Variants in DAB1 observed in about 807,000 individuals in gnomAD.
DAB1 encodes DAB adaptor protein 1.
A neutral mutation model predicts 64.6 loss-of-function variants in DAB1; 15 were observed. The observed-to-expected ratio is 0.23, with a 90% CI of 0.16 to 0.36. DAB1 has a LOEUF of 0.36. DAB1 is among the 10% of genes least tolerant of loss of function. The probability of loss-of-function intolerance (pLI) is 1.00; values close to 1 mark genes in which losing one functional copy is unlikely to be tolerated. For missense variants in DAB1, 596 were observed against 706.7 expected (o/e 0.84, Z 1.78); for synonymous variants, 235 against 251.9 (o/e 0.93, Z 0.64).
At chr1:57,804,611 CT>C (rs1000627235) in intron 6 of DAB1, among the ~76,000 whole-genome samples, 1 of 152,204 alleles carries the variant, frequency 6.6e-6, no homozygotes, top group Non-Finnish European at 1.5e-5. Flanking sequence ...TCTGGCTCCA[CT>C]ATTATAACTA....
chr1:57,769,257 A>G (rs1649454154), intron 6 of DAB1, among the ~76,000 whole-genome samples: 2 of 152,190 alleles, frequency 1.3e-5, no homozygotes, highest in South Asian at 4.1e-4. Flanking sequence ...AGTCAAAAAG[A>G]ACCCTCAAAT....
chr1:58,133,919 T>C (rs1178650818), intron 5 of DAB1, among the ~76,000 whole-genome samples: 8 of 152,260 alleles, frequency 5.3e-5, no homozygotes, highest in Non-Finnish European at 8.8e-5. Context: ...TGCTCTTCTT[T>C]TCAGGCTTAC....
intron 6 of DAB1, among the ~76,000 whole-genome samples, chr1:57,701,760 C>T (rs1646911218): frequency 6.6e-6 from 1 of 151,910 alleles, no homozygotes; most frequent in African/African-American, 2.4e-5. Context: ...CTGATTCTTT[C>T]CTCTGCTTGA....
At chr1:58,169,237 T>C (rs1018872991) in intron 4 of DAB1, among the ~76,000 whole-genome samples, 1 of 152,074 alleles carries the variant, frequency 6.6e-6, no homozygotes, top group Non-Finnish European at 1.5e-5. Context: ...GCACAACTAT[T>C]CTGATCAGCA....
intron 5 of DAB1, among the ~76,000 whole-genome samples, chr1:58,109,375 C>T (rs1166033462): frequency 1.3e-5 from 2 of 152,180 alleles, no homozygotes; most frequent in African/African-American, 2.4e-5. Flanking sequence ...CCAGCACCAA[C>T]AGACTTAAAC....
chr1:57,984,999 C>G lies in DAB1; in HGVS notation n.388-100837G>C, dbSNP rs576957325. Among the ~76,000 whole-genome samples the G allele has an allele frequency of 2.2e-3, 340 of 152,224 alleles. 2 individuals carry two copies. The highest frequency in any genetic ancestry group is 7.9e-3 in the African/African-American group (327 of 41,536). On this transcript the variant is annotated intron_variant and non_coding_transcript_variant, in intron 5 of 20. Coordinates refer to the DAB1 transcript ENST00000485760. Reference sequence around the variant, plus strand: ...TCCTGGCTCACTGCAACCTCCGCCTCCCAGGTTCAGGTGATTCTCCTGCCT... The same window carrying G: ...TCCTGGCTCACTGCAACCTCCGCCTGCCAGGTTCAGGTGATTCTCCTGCCT...
intron 7 of DAB1, among the ~76,000 whole-genome samples, chr1:57,474,493 AG>A (rs976927675): frequency 1.3e-5 from 2 of 152,244 alleles, no homozygotes; most frequent in East Asian, 1.9e-4. Context: ...TGGATCCATT[AG>A]GAAGTATGAT....
intron 14 of DAB1, among the ~76,000 whole-genome samples, chr1:57,008,792 A>G (rs1646175568): frequency 6.6e-6 from 1 of 152,180 alleles, no homozygotes; most frequent in Non-Finnish European, 1.5e-5. Context: ...TGGAGAATAT[A>G]AGCCCCTTCT....
chr1:57,892,408 G>T (rs1453927354), intron 5 of DAB1, among the ~76,000 whole-genome samples: 1 of 152,150 alleles, frequency 6.6e-6, no homozygotes, highest in Non-Finnish European at 1.5e-5. Flanking sequence ...TACTTATGAT[G>T]ACCCAGGCAC....
chr1:57,760,235 G>T (rs775290930), intron 6 of DAB1, among the ~76,000 whole-genome samples: 2 of 152,094 alleles, frequency 1.3e-5, no homozygotes, highest in Non-Finnish European at 2.9e-5. Flanking sequence ...ACATTATGCA[G>T]GTATGGCCTT....
Position 58,257,838 on chromosome 1 carries a change from C to T in DAB1, n.309+85514G>A, listed in dbSNP as rs575034492. Reference sequence around the variant, plus strand: ...GGTTATGGTTTATGATGTAAGGCCCCAAAAGGTTACGTGCATCTGGAGCTA... The same window carrying T: ...GGTTATGGTTTATGATGTAAGGCCCTAAAAGGTTACGTGCATCTGGAGCTA... On this transcript the variant is annotated intron_variant and non_coding_transcript_variant, in intron 4 of 20. Coordinates refer to the DAB1 transcript ENST00000485760. Among the ~76,000 whole-genome samples the T allele has an allele frequency of 9.2e-5, 14 of 152,236 alleles. No homozygotes were observed. The South Asian group carries it at 2.1e-3, about 23-fold the overall frequency.
At chr1:57,757,481 T>C (rs1450194711) in intron 6 of DAB1, among the ~76,000 whole-genome samples, 2 of 152,062 alleles carry the variant, frequency 1.3e-5, no homozygotes, top group East Asian at 3.9e-4. Flanking sequence ...GCTTCTGGCG[T>C]TTGCTGCCAA....
In DAB1 at chr1:58,378,739, C is replaced by G. The variant is rs1372885516; in HGVS notation, n.258-35336G>C. On this transcript the variant is annotated intron_variant and non_coding_transcript_variant, in intron 3 of 20. Coordinates refer to the DAB1 transcript ENST00000485760. ...CGAGCTTCCCGGCTGCTTTGTTTAC[C>G]TAAGCAAGCCTGGGCAATGGCGGGC... is the stretch of plus-strand genomic sequence containing the variant. Among the ~76,000 whole-genome samples, 7 of 103,718 alleles carry G rather than the reference C, an allele frequency of 6.7e-5. No homozygotes were observed. In the East Asian group the frequency reaches 1.6e-3, roughly 23 times the overall value. The allele number at this position is 103,718 out of a possible 152,430, so 68.0% of individuals were successfully genotyped here. A position where few individuals can be genotyped will look rare whatever the true frequency, so the allele number is the denominator to read the frequency against.
chr1:58,005,595 C>T (rs189587754), intron 5 of DAB1, among the ~76,000 whole-genome samples: 64 of 130,988 alleles, frequency 4.9e-4, no homozygotes, highest in Non-Finnish European at 8.2e-4. Flanking sequence ...GGGCTCTGTG[C>T]GCCTGCCTTG....
At chr1:58,484,823 T>A (rs1337669370) in intron 3 of DAB1, among the ~76,000 whole-genome samples, 2 of 152,110 alleles carry the variant, frequency 1.3e-5, no homozygotes, top group African/African-American at 2.4e-5. Context: ...AAAGGCTACA[T>A]GATTCCAACT....
intron 5 of DAB1, among the ~76,000 whole-genome samples, chr1:58,092,717 G>C (rs1385650373): frequency 1.3e-5 from 2 of 152,172 alleles, no homozygotes; most frequent in African/African-American, 4.8e-5. Context: ...TCTAAGTAGA[G>C]AGTAGGTGCT....
At chr1:58,020,268 T>C (rs1646797452) in intron 5 of DAB1, among the ~76,000 whole-genome samples, 1 of 152,228 alleles carries the variant, frequency 6.6e-6, no homozygotes, top group South Asian at 2.1e-4. Context: ...TTACTTCATG[T>C]GTTCAAGGAA....
intron 5 of DAB1, among the ~76,000 whole-genome samples, chr1:57,994,104 A>G (rs1646389168): frequency 2.0e-5 from 3 of 152,182 alleles, no homozygotes; most frequent in Non-Finnish European, 4.4e-5. Context: ...CTGAGGCTGC[A>G]AGGCCTCTGA....
intron 6 of DAB1, among the ~76,000 whole-genome samples, chr1:57,784,781 A>G (rs1396889551): frequency 1.3e-5 from 2 of 152,194 alleles, no homozygotes; most frequent in Admixed American, 6.5e-5. Context: ...AAGCATCTCC[A>G]TAACAGAAAA....
Sources: gnomAD v4.1 joint callset for allele counts (sites outside exome capture counted in the v4.1 genomes callset) on GRCh38, gnomAD v4.1.1 for gene constraint, MANE v1.5 for transcripts, NCBI Gene and HGNC (gene_info 2026-07-23, HGNC 2026-07-21) for gene names.